Variants in ELAPOR2 observed in about 807,000 individuals in gnomAD.
ELAPOR2 encodes endosome-lysosome associated apoptosis and autophagy regulator family member 2, also known as endosome/lysosome-associated apoptosis and autophagy regulator family member 2.
In ELAPOR2, 89 loss-of-function variants were observed where a neutral mutation model predicts 120.7. The ratio of observed to expected loss-of-function variants is 0.74; its 90% CI spans 0.62 to 0.88. The LOEUF is 0.88. ELAPOR2 is among the 40% of genes least tolerant of loss of function. The pLI, the probability that ELAPOR2 is intolerant of heterozygous loss-of-function variation, is 0.00. For synonymous variants in ELAPOR2, 444 were observed against 444.9 expected (o/e 1.00, Z 0.03); for missense variants, 1,134 against 1,251.6 (o/e 0.91, Z 1.42).
At chr7:86,977,127 C>G (rs1039212894) in intron 1 of ELAPOR2, among the ~76,000 whole-genome samples, 8 of 152,186 alleles carry the variant, frequency 5.3e-5, no homozygotes, top group African/African-American at 1.9e-4. Flanking sequence ...ATAGCTGCCA[C>G]TCATTAGTGA....
chr7:86,976,268 G>A (rs897911529), intron 1 of ELAPOR2, among the ~76,000 whole-genome samples: 2 of 152,094 alleles, frequency 1.3e-5, no homozygotes, highest in African/African-American at 4.8e-5. Context: ...TCCCAGGCAA[G>A]TAGAATTGCA....
At chr7:87,030,637 T>C (rs749724112) in intron 1 of ELAPOR2, among the ~76,000 whole-genome samples, 1 of 152,180 alleles carries the variant, frequency 6.6e-6, no homozygotes, top group Non-Finnish European at 1.5e-5. Context: ...TCATGAAAAG[T>C]AAACCCTTAT....
At chr7:86,926,142 A>T (rs565860062) in intron 9 of ELAPOR2, among the ~76,000 whole-genome samples, 1 of 152,158 alleles carries the variant, frequency 6.6e-6, no homozygotes, top group Admixed American at 6.6e-5. Context: ...GACTATGTTG[A>T]GAATGGTTGG....
At chr7:86,984,801 C>G (rs1635016) in intron 1 of ELAPOR2, among the ~76,000 whole-genome samples, 57,519 of 151,902 alleles carry the variant, frequency 0.38, 11,734 homozygotes, top group African/African-American at 0.53. Flanking sequence ...CAAACACATT[C>G]AAAAGCTAGC....
intron 1 of ELAPOR2, among the ~76,000 whole-genome samples, chr7:86,975,447 A>C (rs1007812868): frequency 8.5e-5 from 13 of 152,228 alleles, no homozygotes; most frequent in Admixed American, 4.6e-4. Flanking sequence ...AAAAAATAAT[A>C]ATGTAACCCT....
rs777577004 is a variant in ELAPOR2, at chr7:86,919,285, G to A, written c.1425C>T (p.Ile475=). ...MNGWEVAGDH[I]QSGAGGSDND... ...TGTCAGAACCTCCAGCCCCACTCTG[G>A]ATATGATCTCCAGCCACCTCCCAAC... The change falls in exon 11 of 22, where the codon ATC becomes ATT. Residue 475 remains isoleucine (I), a synonymous_variant. Transcript: ENST00000450689. 9.9e-6 allele frequency: 16 copies of A among 1,609,870 alleles called. No homozygotes were observed. The South Asian group carries it at 1.7e-4, about 17-fold the overall frequency.
intron 9 of ELAPOR2, among the ~76,000 whole-genome samples, chr7:86,925,872 A>C (rs1251103342): frequency 6.6e-6 from 1 of 152,054 alleles, no homozygotes; most frequent in Non-Finnish European, 1.5e-5. Context: ...CATATACTTG[A>C]CTAAAATGAA....
At chr7:86,893,848 G>A (rs6972489) in intron 19 of ELAPOR2, among the ~76,000 whole-genome samples, 14,478 of 151,992 alleles carry the variant, frequency 0.095, 787 homozygotes, top group African/African-American at 0.14. Context: ...TTTTAAAATA[G>A]ACAGATCAAA....
chr7:87,011,242 T>A (rs1211768523), intron 1 of ELAPOR2, among the ~76,000 whole-genome samples: 2 of 105,046 alleles, frequency 1.9e-5, no homozygotes, highest in Non-Finnish European at 3.5e-5. Context: ...AGAGCGAGAC[T>A]CCATCTCAAA....
At chr7:86,912,534 A>T (rs1274440492) in intron 14 of ELAPOR2, among the ~76,000 whole-genome samples, 1 of 152,228 alleles carries the variant, frequency 6.6e-6, no homozygotes, top group Non-Finnish European at 1.5e-5. Context: ...AAATTTAAAC[A>T]GACAGTAAAA....
Position 86,905,203 on chromosome 7 carries a change from A to G in ELAPOR2, c.2558+2467T>C, listed in dbSNP as rs148653330. Among the ~76,000 whole-genome samples the G allele has an allele frequency of 3.9e-3, 595 of 151,494 alleles. 3 individuals carry two copies. The highest frequency in any genetic ancestry group is 0.014 in the African/African-American group (566 of 41,306). The stretch of plus-strand genomic sequence containing the variant: ...GAGAAAGAGAGAGAGAGAGAGAGAG[A>G]GAAAGAGAGAGAGGAAGAGAAGAGA... On this transcript the variant is annotated intron_variant, in intron 18 of 21. Coordinates refer to ENST00000450689, the MANE Select transcript of ELAPOR2 (RefSeq NM_001142749.3).
chr7:86,913,865 G>A (rs774478410), intron 13 of ELAPOR2, among the ~76,000 whole-genome samples: 15 of 152,108 alleles, frequency 9.9e-5, no homozygotes, highest in Middle Eastern at 3.2e-3. Context: ...TCACTCTATC[G>A]GTACAGAGCA....
At chr7:86,969,123 C>T (rs1247023161) in intron 1 of ELAPOR2, among the ~76,000 whole-genome samples, 1 of 152,100 alleles carries the variant, frequency 6.6e-6, no homozygotes, top group Non-Finnish European at 1.5e-5. Context: ...CTGACATGCA[C>T]ATTCACAAAT....
At chr7:86,941,642 T>C (rs1012888216) in intron 5 of ELAPOR2, among the ~76,000 whole-genome samples, 18 of 152,166 alleles carry the variant, frequency 1.2e-4, no homozygotes, top group African/African-American at 4.1e-4. Flanking sequence ...CGATCACATA[T>C]GACAGGCACA....
chr7:86,893,068 C>G lies in ELAPOR2; in HGVS notation c.2718G>C (p.Trp906Cys). 1 of 1,562,878 alleles carries G rather than the reference C, an allele frequency of 6.4e-7. No individual in the cohort carries two copies. Among genetic ancestry groups the G allele is most frequent in the Admixed American group, 2.0e-5 (1 of 49,650 alleles). Reference sequence around the variant, plus strand: ...CAGGCAAAGAAATTCCTTTAATGCACCATTTAGGTTCATTCCACACATACA... The same window carrying G: ...CAGGCAAAGAAATTCCTTTAATGCAGCATTTAGGTTCATTCCACACATACA... Reference protein sequence around the residue: ...ETLYVWNEPKWCIKGISLPEK... With the variant: ...ETLYVWNEPKCCIKGISLPEK... Residue 906 changes from tryptophan (W) to cysteine (C), a missense_variant, in exon 20 of 22, where the codon TGG (tryptophan) becomes TGC (cysteine). Around this residue, in one of 3 missense-constraint regions of ELAPOR2, gnomAD observed 831 missense variants for 867.6 expected, o/e 0.96. Coordinates refer to ENST00000450689, the MANE Select transcript of ELAPOR2 (RefSeq NM_001142749.3).
chr7:86,919,113 A>G (rs1010671540), intron 11 of ELAPOR2, 107 bp downstream of exon 11: 3 of 687,574 alleles, frequency 4.4e-6, no homozygotes, highest in South Asian at 4.2e-5. Flanking sequence ...TTTACTAAGT[A>G]TTTTTGTAAT....
intron 15 of ELAPOR2, 129 bp from the exon 16 acceptor site, chr7:86,910,130 T>A: frequency 1.5e-6 from 1 of 682,082 alleles, no homozygotes; most frequent in Non-Finnish European, 2.4e-6. Flanking sequence ...TTAGTTGATC[T>A]GGTATGAGGC....
intron 1 of ELAPOR2, among the ~76,000 whole-genome samples, chr7:87,017,880 C>T (rs1315863722): frequency 6.6e-6 from 1 of 152,040 alleles, no homozygotes; most frequent in Non-Finnish European, 1.5e-5. Context: ...AGGATCTCAC[C>T]ACCTCATTCC....
chr7:86,925,104 A>T (rs1790008038), intron 10 of ELAPOR2, among the ~76,000 whole-genome samples: 2 of 151,980 alleles, frequency 1.3e-5, no homozygotes, highest in African/African-American at 4.8e-5. Context: ...AAATACAATC[A>T]TAGACTTGAC....
Sources: allele counts gnomAD v4.1 joint callset (sites outside exome capture counted in the v4.1 genomes callset), GRCh38; gene constraint gnomAD v4.1.1; regional missense constraint gnomAD v4.1.1; transcripts MANE v1.5; gene names NCBI Gene and HGNC (gene_info 2026-07-23, HGNC 2026-07-21).